Variants in CDC42BPA observed in about 807,000 individuals in gnomAD.
CDC42BPA encodes the protein serine/threonine-protein kinase MRCK alpha.
A neutral mutation model predicts 223.5 loss-of-function variants in CDC42BPA; 80 were observed. The ratio of observed to expected loss-of-function variants is 0.36; its 90% confidence interval spans 0.30 to 0.43. The LOEUF (loss-of-function observed/expected upper bound fraction) is 0.43. Among genes scored for constraint, CDC42BPA ranks in the 20% least tolerant of loss-of-function variants. The probability of loss-of-function intolerance (pLI) is 1.00; values close to 1 mark genes in which losing one functional copy is unlikely to be tolerated. For missense variants in CDC42BPA, 1,743 were observed against 2,099.9 expected (o/e 0.83, Z 3.32); for synonymous variants, 694 against 718.6 (o/e 0.97, Z 0.55).
chr1:227,072,623 C>A (rs1433010011), intron 19 of CDC42BPA, among the ~76,000 whole-genome samples: 2 of 151,748 alleles, frequency 1.3e-5, no homozygotes, highest in African/African-American at 4.8e-5. Context: ...CATTTGTGGA[C>A]CCTGAACTAA....
chr1:227,071,389 T>G (rs1678307348), intron 20 of CDC42BPA, among the ~76,000 whole-genome samples: 2 of 151,878 alleles, frequency 1.3e-5, no homozygotes, highest in African/African-American at 4.8e-5. Flanking sequence ...AGATATCCCT[T>G]TATTTTAAAA....
At chr1:227,015,358 G>A (rs1665995873) in intron 34 of CDC42BPA, among the ~76,000 whole-genome samples, 1 of 151,074 alleles carries the variant, frequency 6.6e-6, no homozygotes, top group African/African-American at 2.4e-5. Context: ...GGGAGGCAAA[G>A]GTTGCAGTGA....
At chr1:227,051,301 T>C (rs1367108449) in intron 22 of CDC42BPA, among the ~76,000 whole-genome samples, 1 of 152,194 alleles carries the variant, frequency 6.6e-6, no homozygotes, top group Non-Finnish European at 1.5e-5. Flanking sequence ...TTCTTTTGAC[T>C]TGTGGAAGAA....
intron 32 of CDC42BPA, among the ~76,000 whole-genome samples, 155 bp downstream of exon 32, chr1:227,023,108 A>G (rs574092472): frequency 6.6e-6 from 1 of 152,230 alleles, no homozygotes; most frequent in African/African-American, 2.4e-5. Flanking sequence ...TAATATATTA[A>G]GAATGTGATA....
intron 10 of CDC42BPA, among the ~76,000 whole-genome samples, chr1:227,135,777 C>T (rs1257163555): frequency 1.4e-5 from 2 of 147,682 alleles, no homozygotes; most frequent in East Asian, 4.1e-4. Context: ...TTGCTTGAAC[C>T]TGGGAGGCGG....
At chr1:227,289,105 G>A (rs943364291) in intron 1 of CDC42BPA, among the ~76,000 whole-genome samples, 8 of 152,084 alleles carry the variant, frequency 5.3e-5, no homozygotes, top group African/African-American at 1.9e-4. Context: ...TCTCTCTCAC[G>A]TGTACTGCTA....
At chr1:227,126,521 T>A (rs500388) in intron 11 of CDC42BPA, among the ~76,000 whole-genome samples, 8,816 of 83,828 alleles carry the variant, frequency 0.11, 518 homozygotes, top group East Asian at 0.26. Flanking sequence ...GGAAGGAAGG[T>A]AAGAAAGGAA....
chr1:227,207,700 A>AT (rs1298497749), intron 3 of CDC42BPA, among the ~76,000 whole-genome samples: 1 of 149,970 alleles, frequency 6.7e-6, no homozygotes, highest in Non-Finnish European at 1.5e-5. Context: ...TGAACTCATC[A>AT]TTTTTTATGG....
chr1:227,021,061 A>T (rs1667276886), intron 32 of CDC42BPA, among the ~76,000 whole-genome samples: 1 of 152,186 alleles, frequency 6.6e-6, no homozygotes, highest in African/African-American at 2.4e-5. Context: ...GGCATCTTAT[A>T]TGGGCATGGT....
chr1:227,091,819 C>A, intron 16 of CDC42BPA, 67 bp downstream of exon 16: 1 of 799,042 alleles, frequency 1.3e-6, no homozygotes, highest in South Asian at 1.9e-5. Context: ...AAGTTATACC[C>A]ACAATTCCTA....
At chr1:227,200,481 A>G (rs1376221310) in intron 3 of CDC42BPA, among the ~76,000 whole-genome samples, 1 of 151,334 alleles carries the variant, frequency 6.6e-6, no homozygotes, top group Non-Finnish European at 1.5e-5. Context: ...AAACAAAAAC[A>G]AAAAAAATCT....
intron 28 of CDC42BPA, 91 bp from the exon 29 acceptor site, chr1:227,030,561 A>G: frequency 1.3e-6 from 1 of 747,278 alleles, no homozygotes; most frequent in Non-Finnish European, 2.3e-6. Context: ...GGTGCAAAAA[A>G]TGGAAATAAA....
At chr1:227,253,907 A>G (rs1352776104) in intron 2 of CDC42BPA, among the ~76,000 whole-genome samples, 157 bp downstream of exon 2, 2 of 152,204 alleles carry the variant, frequency 1.3e-5, no homozygotes, top group Admixed American at 6.5e-5. Context: ...CTGAGCTATT[A>G]TATCAATCAC....
chr1:227,036,215 T>C (rs1670191122), intron 24 of CDC42BPA, among the ~76,000 whole-genome samples: 1 of 152,174 alleles, frequency 6.6e-6, no homozygotes, highest in African/African-American at 2.4e-5. Context: ...TCTCTATAAA[T>C]GGACTACATA....
chr1:227,100,643 C>T (rs1047269016), intron 15 of CDC42BPA, among the ~76,000 whole-genome samples: 2 of 151,598 alleles, frequency 1.3e-5, no homozygotes, highest in African/African-American at 2.4e-5. Context: ...TACTATGTTG[C>T]CTGGGCTGGG....
chr1:227,290,822 T>C (rs1689567158), intron 1 of CDC42BPA, among the ~76,000 whole-genome samples: 2 of 152,128 alleles, frequency 1.3e-5, no homozygotes, highest in Non-Finnish European at 2.9e-5. Flanking sequence ...TTAGGGAAGG[T>C]GTTAGTTACA....
At chr1:227,125,574 G>T (rs1689421114) in intron 11 of CDC42BPA, among the ~76,000 whole-genome samples, 1 of 149,414 alleles carries the variant, frequency 6.7e-6, no homozygotes, top group Admixed American at 6.7e-5. Context: ...TCCAGCCTGG[G>T]GAACAGAGTG....
intron 2 of CDC42BPA, among the ~76,000 whole-genome samples, chr1:227,250,867 C>T (rs982348398): frequency 2.0e-5 from 3 of 151,862 alleles, no homozygotes; most frequent in Admixed American, 6.6e-5. Flanking sequence ...GCCTAGGCAA[C>T]GTAGGAAAAC....
intron 3 of CDC42BPA, among the ~76,000 whole-genome samples, chr1:227,202,729 G>A (rs1671995563): frequency 6.9e-6 from 1 of 144,652 alleles, no homozygotes; most frequent in East Asian, 2.0e-4. Context: ...AAACCAGCCT[G>A]CCTGACATAG....
Sources: allele counts gnomAD v4.1 joint callset (sites outside exome capture counted in the v4.1 genomes callset), GRCh38; gene constraint gnomAD v4.1.1; transcripts MANE v1.5; gene names NCBI Gene and HGNC (gene_info 2026-07-23, HGNC 2026-07-21).